PCDHGB3: variants seen among roughly 807,000 people sequenced by gnomAD.
PCDHGB3 encodes protocadherin gamma-B3.
Under a neutral mutation model 59.2 loss-of-function variants are expected in PCDHGB3, and 40 were observed. The observed-to-expected ratio is 0.68, with a 90% CI of 0.52 to 0.88. PCDHGB3 has a LOEUF of 0.88. Ranked by LOEUF, PCDHGB3 falls within the 40% of genes least tolerant of loss-of-function variation. The probability of loss-of-function intolerance (pLI) is 0.00; values close to 1 mark genes in which losing one functional copy is unlikely to be tolerated. For synonymous variants in PCDHGB3, 581 were observed against 503.6 expected, an observed-to-expected ratio of 1.15 and a Z score of -2.06; for missense variants, 1,309 against 1,187.9, an observed-to-expected ratio of 1.10 and a Z score of -1.50.
Position 141,372,786 on chromosome 5 carries a change from T to C in PCDHGB3, c.2392T>C (p.Ser798Pro), listed in dbSNP as rs765183690. 3.7e-6 allele frequency: 6 copies of C among 1,605,480 alleles called. No individual in the cohort carries two copies. The highest frequency in any genetic ancestry group is 4.3e-6 in the Non-Finnish European group (5 of 1,175,550). The change falls in exon 1 of 4, where the codon TCT (serine) becomes CCT (proline). Residue 798 changes from serine (S) to proline (P), a missense_variant. Physicochemically the swap from Ser to Pro is moderately conservative, Grantham distance 74 (BLOSUM62 -1). Coordinates refer to ENST00000576222, the MANE Select transcript of PCDHGB3 (RefSeq NM_018924.5). ...FESNDNPEMP[S>P]NSGNLQKQAP... is the part of the protein sequence containing the mutation. ...AAGTAATGACAATCCAGAAATGCCTTCTAATTCAGGCAATTTGCAAAAGGT... is the reference window on the plus strand; with the variant it reads ...AAGTAATGACAATCCAGAAATGCCTCCTAATTCAGGCAATTTGCAAAAGGT...
intron 1 of PCDHGB3, among the ~76,000 whole-genome samples, chr5:141,407,687 G>A (rs866314437): frequency 1.3e-5 from 2 of 152,126 alleles, no homozygotes; most frequent in African/African-American, 2.4e-5. Context: ...TGGCTTTGTG[G>A]TGATCATTGT....
Position 141,370,485 on chromosome 5 carries a change from G to A in PCDHGB3, c.91G>A (p.Glu31Lys), listed in dbSNP as rs905115445. 6.2e-7 allele frequency: 1 copy of A among 1,613,916 alleles called. No homozygotes were observed. ...LLSLLDQALS[E>K]PIRYAIPEEL... The stretch of plus-strand genomic sequence containing the variant: ...CTCTTTGTTAGACCAGGCTCTCTCC[G>A]AACCGATCCGCTACGCTATTCCCGA... The change falls in exon 1 of 4, where the codon GAA becomes AAA. Residue 31 changes from glutamate to lysine, a missense_variant. By Grantham distance (56) the Glu-to-Lys change is moderately conservative (BLOSUM62 1). Transcript: ENST00000576222.
intron 1 of PCDHGB3, chr5:141,376,960 T>C (rs1773581564): frequency 6.1e-6 from 1 of 162,766 alleles, no homozygotes; most frequent in Admixed American, 5.9e-5. Context: ...GTGCTGGGAT[T>C]ACAGGCGTGA....
rs764313049 is a variant in PCDHGB3, at chr5:141,418,041, T to G, written c.2415+45232T>G. 36 of 1,613,976 alleles carry G rather than the reference T, an allele frequency of 2.2e-5. No homozygotes were observed. In the Admixed American group the frequency reaches 2.3e-4, roughly 10 times the overall value. On this transcript the variant is annotated intron_variant, in intron 1 of 3. Coordinates refer to ENST00000576222, the MANE Select transcript of PCDHGB3 (RefSeq NM_018924.5). Reference sequence around the variant, plus strand: ...GATCTAGGGCTTAGTGTCCTGGATGTGTCGGCTCGCGAGCTGCGAGTGAGC... The same window carrying G: ...GATCTAGGGCTTAGTGTCCTGGATGGGTCGGCTCGCGAGCTGCGAGTGAGC...
In PCDHGB3 at chr5:141,370,288, C is replaced by A; in HGVS notation, c.-107C>A. The stretch of plus-strand genomic sequence containing the variant: ...GCAGCGGAGACACCCATTAGAGAAC[C>A]CAAGCACAAAGACAAAGCAAATAGT... On this transcript the variant is annotated 5_prime_UTR_variant, in exon 1 of 4. Coordinates refer to ENST00000576222, the MANE Select transcript of PCDHGB3 (RefSeq NM_018924.5). 1 of 1,009,420 alleles carries A rather than the reference C, an allele frequency of 9.9e-7. No homozygotes were observed. Among genetic ancestry groups the A allele is most frequent in the Non-Finnish European group, 1.4e-6 (1 of 700,694 alleles). 62.5% of individuals were successfully genotyped at this position (1,009,420 alleles called of 1,614,324 possible).
At chr5:141,409,631 T>C (rs773588699) in intron 1 of PCDHGB3, 27 of 1,613,698 alleles carry the variant, frequency 1.7e-5, no homozygotes, top group Non-Finnish European at 2.2e-5. Context: ...AGTGAGCGCC[T>C]CTGACCCGGA....
At chr5:141,421,854 C>T (rs1402137870) in intron 1 of PCDHGB3, 9 of 1,613,644 alleles carry the variant, frequency 5.6e-6, no homozygotes. Flanking sequence ...AGGCTGCTCA[C>T]CTGCTCCTCC....
rs758593544 is a variant in PCDHGB3 at position 141,372,551 on chromosome 5, C to T, written c.2157C>T (p.Ser719=). Residue 719 remains serine, a synonymous_variant, in exon 1 of 4, where the codon TCC becomes TCT. Coordinates refer to ENST00000576222, the MANE Select transcript of PCDHGB3 (RefSeq NM_018924.5). ...TCTCCCTGCGCCTGCGATGCTCCTCCAGACCCGCCACTGAGGGCTACTTTC... is the reference window on the plus strand; with the variant it reads ...TCTCCCTGCGCCTGCGATGCTCCTCTAGACCCGCCACTGAGGGCTACTTTC... The part of the protein sequence containing the change: ...LAISLRLRCS[S]RPATEGYFQP... 2 of 1,614,030 alleles carry T rather than the reference C, an allele frequency of 1.2e-6. No homozygotes were observed. The highest frequency in any genetic ancestry group is 1.1e-5 in the South Asian group (1 of 91,088).
chr5:141,370,428 G>T lies in PCDHGB3; in HGVS notation c.34G>T (p.Gly12Trp), dbSNP rs1480841045. 2 of 1,598,192 alleles carry T rather than the reference G, an allele frequency of 1.3e-6. No homozygotes were observed. Among genetic ancestry groups the T allele is most frequent in the Non-Finnish European group, 1.7e-6 (2 of 1,171,756 alleles). ...GNSSGWRGPA[G>W]QRRMLFLFLL... is the part of the protein sequence containing the mutation. ...TAGCTCCGGATGGAGGGGCCCAGCA[G>T]GGCAGAGGCGAATGCTATTTCTCTT... Residue 12 changes from glycine to tryptophan, a missense_variant, in exon 1 of 4, where the codon GGG becomes TGG. Gly to Trp is a radical substitution (Grantham distance 184). Coordinates refer to ENST00000576222, the MANE Select transcript of PCDHGB3 (RefSeq NM_018924.5).
chr5:141,510,994 G>A lies in PCDHGB3; in HGVS notation c.2611G>A (p.Gly871Arg). ...CCTGGGAGGGGGTGCCGGCACCATG[G>A]GATTGAGCGCCCGCTACGGACCCCA... ...STLGGGAGTM[G>R]LSARYGPQFT... The change falls in exon 4 of 4, where the codon GGA becomes AGA. Residue 871 changes from glycine to arginine, a missense_variant. Physicochemically the swap from Gly to Arg is moderately radical, Grantham distance 125 (BLOSUM62 -2). Transcript: ENST00000576222. 1 of 1,614,168 alleles carries A rather than the reference G, an allele frequency of 6.2e-7. No homozygotes were observed. Among genetic ancestry groups the A allele is most frequent in the Non-Finnish European group, 8.5e-7 (1 of 1,180,022 alleles).
intron 1 of PCDHGB3, chr5:141,384,922 C>G: frequency 6.2e-7 from 1 of 1,614,018 alleles, no homozygotes; most frequent in Non-Finnish European, 8.5e-7. Flanking sequence ...CTTGGCCGAC[C>G]TGGGCAGCCT....
chr5:141,423,513 G>C, intron 1 of PCDHGB3: 3 of 1,613,750 alleles, frequency 1.9e-6, no homozygotes, highest in Non-Finnish European at 1.7e-6. Flanking sequence ...CTCTCATTGC[G>C]GACTCGCAGA....
At chr5:141,421,582 G>A (rs531591776) in intron 1 of PCDHGB3, 4 of 1,613,874 alleles carry the variant, frequency 2.5e-6, no homozygotes, top group Non-Finnish European at 2.5e-6. Flanking sequence ...GAAGATTTAC[G>A]GAGTGGAGGT....
intron 1 of PCDHGB3, among the ~76,000 whole-genome samples, chr5:141,462,559 T>G (rs1035231534): frequency 6.6e-6 from 1 of 152,248 alleles, no homozygotes; most frequent in African/African-American, 2.4e-5. Flanking sequence ...CAGTGTTTAC[T>G]GTATTTGCTA....
In PCDHGB3 at chr5:141,381,098, G is replaced by A. The variant is rs114784627; in HGVS notation, c.2415+8289G>A. Reference sequence around the variant, plus strand: ...TTATTTTGATAGATCAAAACAGAATGTCCTTCAAAGTGTTCCCTGTATTCT... The same window carrying A: ...TTATTTTGATAGATCAAAACAGAATATCCTTCAAAGTGTTCCCTGTATTCT... On this transcript the variant is annotated intron_variant, in intron 1 of 3. Transcript: ENST00000576222. 2.4e-3 allele frequency among the ~76,000 whole-genome samples: 370 copies of A among 152,320 alleles called. 4 individuals carry two copies. Among genetic ancestry groups the A allele is most frequent in the African/African-American group, 8.6e-3 (357 of 41,576 alleles).
Position 141,421,937 on chromosome 5 carries a change from A to G in PCDHGB3, c.2415+49128A>G, listed in dbSNP as rs375878901. The G allele has an allele frequency of 1.5e-5, 25 of 1,613,402 alleles. No homozygotes were observed. In the African/African-American group the frequency reaches 1.6e-4, roughly 10 times the overall value. ...ATTCGTGTGGTGGTCCTCGATGTAA[A>G]TGATCACATCCCAATGTTTACACAG... On this transcript the variant is annotated intron_variant, in intron 1 of 3. Coordinates refer to ENST00000576222, the MANE Select transcript of PCDHGB3 (RefSeq NM_018924.5).
chr5:141,476,271 C>T lies in PCDHGB3; in HGVS notation c.2416-18536C>T. Reference sequence around the variant, plus strand: ...GGTTTCGCTGTGGGCAACGTGGTCGCGAACCTTGGTTTGGATCTCGGTAGC... The same window carrying T: ...GGTTTCGCTGTGGGCAACGTGGTCGTGAACCTTGGTTTGGATCTCGGTAGC... On this transcript the variant is annotated intron_variant, in intron 1 of 3. Coordinates refer to ENST00000576222, the MANE Select transcript of PCDHGB3 (RefSeq NM_018924.5). This position sits in a 1 kb window ranked among gnomAD's most constrained non-coding sequence, Gnocchi z 7.6. 4 of 1,613,892 alleles carry T rather than the reference C, an allele frequency of 2.5e-6. No homozygotes were observed. The highest frequency in any genetic ancestry group is 3.4e-6 in the Non-Finnish European group (4 of 1,179,974).
At chr5:141,384,990 G>A in intron 1 of PCDHGB3, 1 of 1,614,140 alleles carries the variant, frequency 6.2e-7, no homozygotes, top group Non-Finnish European at 8.5e-7. Context: ...TGGTGGCGGT[G>A]GCCACAGTCT....
In PCDHGB3 at chr5:141,417,855, G is replaced by T. The variant is rs1436078486; in HGVS notation, c.2415+45046G>T. The T allele has an allele frequency of 2.6e-6, 4 of 1,544,916 alleles. No individual in the cohort carries two copies. In the Admixed American group the frequency reaches 8.0e-5, roughly 31 times the overall value. ...GCGGGGACCCAGCGAGAACCCGAGC[G>T]AACGATGGGAGGGAGCTGCGCGCAG... On this transcript the variant is annotated intron_variant, in intron 1 of 3. Transcript: ENST00000576222.
Sources: allele counts gnomAD v4.1 joint callset (sites outside exome capture counted in the v4.1 genomes callset), GRCh38; gene constraint gnomAD v4.1.1; non-coding constraint Gnocchi (gnomAD v3.1); transcripts MANE v1.5; gene names NCBI Gene and HGNC (gene_info 2026-07-23, HGNC 2026-07-21).